Variants in TET1 observed in about 807,000 individuals in gnomAD.
TET1 encodes tet methylcytosine dioxygenase 1.
Under a neutral mutation model 148.7 loss-of-function variants are expected in TET1, and 13 were observed. The observed-to-expected ratio is 0.09, with a 90% CI of 0.06 to 0.14. The LOEUF (loss-of-function observed/expected upper bound fraction) is 0.14, where lower values mean the gene tolerates loss of function less well. Among genes scored for constraint, TET1 ranks in the 10% least tolerant of loss-of-function variants. The probability of loss-of-function intolerance (pLI) is 1.00; values close to 1 mark genes in which losing one functional copy is unlikely to be tolerated. For synonymous variants in TET1, 907 were observed against 937.2 expected (o/e 0.97, Z 0.59); for missense variants, 2,182 against 2,553.8 (o/e 0.85, Z 3.14).
At chr10:68,655,774 T>C (rs954580390) in intron 6 of TET1, among the ~76,000 whole-genome samples, 3 of 152,220 alleles carry the variant, frequency 2.0e-5, no homozygotes, top group African/African-American at 4.8e-5. Context: ...TTTGGATATC[T>C]GTCTGTGTTG....
chr10:68,675,437 T>C (rs1369587426), intron 8 of TET1, among the ~76,000 whole-genome samples: 1 of 152,210 alleles, frequency 6.6e-6, no homozygotes, highest in Non-Finnish European at 1.5e-5. Context: ...ATAAAATCGT[T>C]GATGCCTTAT....
chr10:68,574,888 T>C (rs2053710876), intron 2 of TET1, among the ~76,000 whole-genome samples: 1 of 152,212 alleles, frequency 6.6e-6, no homozygotes, highest in African/African-American at 2.4e-5. Context: ...TTATTATAGT[T>C]TATGAACCTA....
At chr10:68,612,253 CT>C (rs2132930026) in intron 3 of TET1, among the ~76,000 whole-genome samples, 1 of 152,206 alleles carries the variant, frequency 6.6e-6, no homozygotes, top group African/African-American at 2.4e-5. Flanking sequence ...CCACACCCAG[CT>C]AATTTTTGTA....
chr10:68,652,950 G>T (rs1291180659), intron 6 of TET1, among the ~76,000 whole-genome samples: 1 of 148,088 alleles, frequency 6.8e-6, no homozygotes, highest in Non-Finnish European at 1.5e-5. Context: ...TACTGGGCCA[G>T]ATTTTTTAAT....
intron 2 of TET1, among the ~76,000 whole-genome samples, chr10:68,588,190 G>A (rs889490820): frequency 2.6e-5 from 4 of 152,044 alleles, no homozygotes; most frequent in African/African-American, 7.2e-5. Context: ...AAATAGAGAT[G>A]GGGTTTTATC....
intron 2 of TET1, among the ~76,000 whole-genome samples, chr10:68,587,877 T>A (rs748970954): frequency 6.6e-6 from 1 of 152,078 alleles, no homozygotes; most frequent in Non-Finnish European, 1.5e-5. Flanking sequence ...CGTCTTGTTG[T>A]TTTTGTTTTG....
chr10:68,601,826 TTCATG>T (rs139488429), intron 3 of TET1, among the ~76,000 whole-genome samples: 220 of 145,624 alleles, frequency 1.5e-3, no homozygotes, highest in African/African-American at 5.1e-3. Context: ...ACCTTTTAAA[TTCATG>T]AAGAAATACT....
chr10:68,653,919 C>G (rs536285032), intron 6 of TET1, among the ~76,000 whole-genome samples: 1 of 151,320 alleles, frequency 6.6e-6, no homozygotes, highest in Non-Finnish European at 1.5e-5. Flanking sequence ...TCAGCCTGGC[C>G]AACATGGTGA....
intron 6 of TET1, among the ~76,000 whole-genome samples, chr10:68,657,323 C>A (rs894501911): frequency 6.6e-6 from 1 of 152,082 alleles, no homozygotes; most frequent in Non-Finnish European, 1.5e-5. Context: ...ACTACAGGCG[C>A]CTGCCACCAC....
chr10:68,629,530 A>G (rs1483417088), intron 3 of TET1, among the ~76,000 whole-genome samples: 2 of 149,736 alleles, frequency 1.3e-5, no homozygotes, highest in Admixed American at 1.3e-4. Context: ...AAAGTATATT[A>G]TTATTTTTAA....
intron 1 of TET1, among the ~76,000 whole-genome samples, chr10:68,561,023 G>C (rs2053546347): frequency 6.6e-6 from 1 of 152,232 alleles, no homozygotes; most frequent in African/African-American, 2.4e-5. Flanking sequence ...GTTGGGGGCA[G>C]CGGGGGCGCC....
chr10:68,592,328 A>G (rs182491935), intron 2 of TET1, among the ~76,000 whole-genome samples: 2 of 140,618 alleles, frequency 1.4e-5, no homozygotes, highest in East Asian at 3.9e-4. Context: ...GAAAAAGAAA[A>G]AACAAAAAAC....
At chr10:68,666,931 A>G in intron 6 of TET1, 114 bp from the exon 7 acceptor site, 4 of 974,686 alleles carry the variant, frequency 4.1e-6, no homozygotes, top group Non-Finnish European at 3.0e-6. Flanking sequence ...AACAGATTTT[A>G]TAAATTAAGT....
chr10:68,681,239 A>T (rs1279034372), intron 8 of TET1, among the ~76,000 whole-genome samples, 160 bp from the exon 9 acceptor site: 2 of 152,350 alleles, frequency 1.3e-5, no homozygotes, highest in Admixed American at 1.3e-4. Flanking sequence ...AATAGTTTAG[A>T]TGGAGAAAAG....
chr10:68,615,313 A>C (rs2054274398), intron 3 of TET1, among the ~76,000 whole-genome samples: 2 of 151,638 alleles, frequency 1.3e-5, no homozygotes. Context: ...TTTTACCCTG[A>C]ATTCTTTGAG....
intron 10 of TET1, among the ~76,000 whole-genome samples, chr10:68,683,379 C>T (rs1384162492): frequency 2.0e-5 from 3 of 152,114 alleles, no homozygotes; most frequent in African/African-American, 4.8e-5. Flanking sequence ...CCTGGGTTCA[C>T]GCCATTCTCC....
chr10:68,572,505 G>C lies in TET1; in HGVS notation c.167G>C (p.Arg56Thr). The change falls in exon 2 of 12, where the codon AGA becomes ACA. Residue 56 changes from arginine to threonine, a missense_variant. Transcript: ENST00000373644. ...AAATTAAAGCAATTAATTCAAGAAA[G>C]AGATGTTAAGAAAAAAACAGAACCT... is the stretch of plus-strand genomic sequence containing the variant. ...PGKLKQLIQERDVKKKTEPKP... is the reference protein window; with the variant it reads ...PGKLKQLIQETDVKKKTEPKP... 1 of 1,613,584 alleles carries C rather than the reference G, an allele frequency of 6.2e-7. No individual in the cohort carries two copies. The highest frequency in any genetic ancestry group is 1.3e-5 in the African/African-American group (1 of 74,934).
At chr10:68,598,693 TTTC>T (rs1273942831) in intron 2 of TET1, among the ~76,000 whole-genome samples, 59 of 147,828 alleles carry the variant, frequency 4.0e-4, no homozygotes, top group African/African-American at 1.4e-3. Context: ...TTTTTTTCTT[TTTC>T]TTTCTTTTTT....
chr10:68,618,169 T>C (rs1323020147), intron 3 of TET1, among the ~76,000 whole-genome samples: 3 of 152,172 alleles, frequency 2.0e-5, no homozygotes, highest in Admixed American at 6.5e-5. Flanking sequence ...AAAATGCTTA[T>C]GGCTTCTTGT....
Sources: allele counts gnomAD v4.1 joint callset (sites outside exome capture counted in the v4.1 genomes callset), GRCh38; gene constraint gnomAD v4.1.1; transcripts MANE v1.5; gene names NCBI Gene and HGNC (gene_info 2026-07-23, HGNC 2026-07-21).